BAZ2B: variants seen among roughly 807,000 people sequenced by gnomAD.
BAZ2B encodes the protein bromodomain adjacent to zinc finger domain protein 2B.
A neutral mutation model predicts 246.0 loss-of-function variants in BAZ2B; 91 were observed. The ratio of observed to expected loss-of-function variants is 0.37; its 90% CI spans 0.31 to 0.44. The LOEUF (loss-of-function observed/expected upper bound fraction) is 0.44, where lower values mean the gene tolerates loss of function less well. Among genes scored for constraint, BAZ2B ranks in the 20% least tolerant of loss-of-function variants. The pLI, the probability that BAZ2B is intolerant of heterozygous loss-of-function variation, is 1.00. For missense variants in BAZ2B, 2,332 were observed against 2,533.7 expected (o/e 0.92, Z 1.71); for synonymous variants, 855 against 860.0 (o/e 0.99, Z 0.10).
chr2:159,547,714 G>T (rs2087574448), intron 2 of BAZ2B, among the ~76,000 whole-genome samples: 1 of 152,074 alleles, frequency 6.6e-6, no homozygotes, highest in East Asian at 1.9e-4. Context: ...TCAAACCACA[G>T]CAGAAAACTG....
chr2:159,518,956 A>C (rs1047656228), intron 2 of BAZ2B, among the ~76,000 whole-genome samples: 1 of 152,186 alleles, frequency 6.6e-6, no homozygotes, highest in Non-Finnish European at 1.5e-5. Flanking sequence ...AATTTTCAAA[A>C]ATGCAACACT....
Position 159,325,890 on chromosome 2 carries a change from T to A in BAZ2B, c.5972A>T (p.Lys1991Ile). The A allele has an allele frequency of 6.3e-7, 1 of 1,588,456 alleles. No homozygotes were observed. The highest frequency in any genetic ancestry group is 1.2e-5 in the South Asian group (1 of 84,436). Residue 1991 changes from lysine to isoleucine, a missense_variant, in exon 35 of 37, where the codon AAA (lysine) becomes ATA (isoleucine). Around this residue, in one of 9 missense-constraint regions of BAZ2B, gnomAD observed 210 missense variants for 232.5 expected, o/e 0.90. Coordinates refer to ENST00000392783, the MANE Select transcript of BAZ2B (RefSeq NM_013450.4). ...KASGQTLKIK[K>I]LHVKGKKTNE... ...AGTCTTTTTTCCTTTGACATGAAGT[T>A]TTTTGATTTTTAGAGTTTGACCACT...
chr2:159,685,917 T>TA, the BAZ2B span, among the ~76,000 whole-genome samples: 1 of 152,134 alleles, frequency 6.6e-6, no homozygotes. Context: ...GGGCTGGACT[T>TA]AGTGACTCCT....
intron 3 of BAZ2B, chr2:159,464,725 T>C (rs951678516): frequency 6.6e-6 from 1 of 152,314 alleles, no homozygotes; most frequent in African/African-American, 2.4e-5. Flanking sequence ...TCTTAAAAGA[T>C]AAGGACAGTT....
chr2:159,428,624 T>C (rs1257227754), intron 11 of BAZ2B, among the ~76,000 whole-genome samples: 8 of 152,182 alleles, frequency 5.3e-5, no homozygotes, highest in South Asian at 2.1e-4. Flanking sequence ...ATTCAATTTA[T>C]ATATTAAACT....
At chr2:159,596,994 C>G (rs772688193) in intron 1 of BAZ2B, among the ~76,000 whole-genome samples, 16 of 152,224 alleles carry the variant, frequency 1.1e-4, no homozygotes, top group Non-Finnish European at 2.1e-4. Flanking sequence ...AGTGGTTGTA[C>G]TAGTTTACAT....
At chr2:159,513,168 A>G (rs7605267) in intron 2 of BAZ2B, among the ~76,000 whole-genome samples, 2,528 of 152,334 alleles carry the variant, frequency 0.017, 67 homozygotes, top group African/African-American at 0.053. Context: ...CAGATAGTAC[A>G]ATTCATGAAA....
chr2:159,447,068 A>G, intron 5 of BAZ2B, 93 bp from the exon 6 acceptor site: 1 of 832,716 alleles, frequency 1.2e-6, no homozygotes, highest in Non-Finnish European at 1.7e-6. Flanking sequence ...GATGAACTTG[A>G]AAATATGATA....
chr2:159,470,726 G>T (rs1273105655), intron 3 of BAZ2B, among the ~76,000 whole-genome samples: 1 of 152,182 alleles, frequency 6.6e-6, no homozygotes, highest in East Asian at 1.9e-4. Context: ...TAAATCCAGA[G>T]ATCACTATAT....
intron 31 of BAZ2B, among the ~76,000 whole-genome samples, chr2:159,340,242 A>G (rs978446287): frequency 6.6e-6 from 1 of 152,036 alleles, no homozygotes; most frequent in African/African-American, 2.4e-5. Context: ...AGAAAGGAAA[A>G]CAAAGAAAAA....
At chr2:159,391,010 C>T (rs138323115) in intron 20 of BAZ2B, among the ~76,000 whole-genome samples, 2 of 152,098 alleles carry the variant, frequency 1.3e-5, no homozygotes, top group African/African-American at 4.8e-5. Flanking sequence ...TATTACTAGC[C>T]CTTACAAAAG....
the BAZ2B span, among the ~76,000 whole-genome samples, chr2:159,683,089 G>A: frequency 1.3e-5 from 2 of 151,974 alleles, no homozygotes; most frequent in African/African-American, 4.8e-5. Flanking sequence ...GTTGCCATCT[G>A]TATTATACTT....
In BAZ2B at chr2:159,373,198, A is replaced by C; in HGVS notation, c.4069-9T>G. On this transcript the variant is annotated splice_polypyrimidine_tract_variant and intron_variant, in intron 26 of 36. Transcript: ENST00000392783. ...CTGTACTGACTCTGTTGCTGTTAAA[A>C]AAATGGTACATATAATTAGGTTTGG... The C allele has an allele frequency of 6.2e-7, 1 of 1,600,540 alleles. No individual in the cohort carries two copies.
At chr2:159,598,311 TA>T (rs1691258029) in intron 1 of BAZ2B, among the ~76,000 whole-genome samples, 1 of 152,018 alleles carries the variant, frequency 6.6e-6, no homozygotes, top group South Asian at 2.1e-4. Flanking sequence ...TTTCACCTCA[TA>T]AAAAAAGAGC....
chr2:159,475,343 G>A (rs1161207699), intron 3 of BAZ2B, among the ~76,000 whole-genome samples: 2 of 151,816 alleles, frequency 1.3e-5, no homozygotes, highest in Admixed American at 6.6e-5. Flanking sequence ...TCATTGATTC[G>A]GCTGTTGATA....
intron 17 of BAZ2B, 151 bp from the exon 18 acceptor site, chr2:159,399,045 A>T: frequency 1.7e-6 from 1 of 581,056 alleles, no homozygotes; most frequent in Non-Finnish European, 2.8e-6. Flanking sequence ...CCCAGTTAAC[A>T]TTATGTTTAA....
chr2:159,536,193 G>A (rs1343691720), intron 2 of BAZ2B: 1 of 152,108 alleles, frequency 6.6e-6, no homozygotes, highest in African/African-American at 2.4e-5. Context: ...ACCACAAGGA[G>A]CTCACAATCA....
At chr2:159,437,962 T>C (rs901897722) in intron 8 of BAZ2B, 8 of 171,402 alleles carry the variant, frequency 4.7e-5, no homozygotes, top group African/African-American at 1.7e-4. Flanking sequence ...AAAAAGGACA[T>C]TAATTTTAAA....
At chr2:159,400,847 T>C (rs760614226) in intron 16 of BAZ2B, among the ~76,000 whole-genome samples, 183 bp from the exon 17 acceptor site, 15 of 152,250 alleles carry the variant, frequency 9.9e-5, no homozygotes, top group African/African-American at 1.9e-4. Context: ...GAGACCATCC[T>C]GGCTAACACA....
Sources: gnomAD v4.1 joint callset for allele counts (sites outside exome capture counted in the v4.1 genomes callset) on GRCh38, gnomAD v4.1.1 for gene constraint, gnomAD v4.1.1 regional missense constraint, MANE v1.5 for transcripts, NCBI Gene and HGNC (gene_info 2026-07-23, HGNC 2026-07-21) for gene names.